Variants in DNAH9 observed in about 807,000 individuals in gnomAD.
The protein encoded by DNAH9 is DNAH9 variant protein.
In DNAH9, 345 loss-of-function variants were observed where a neutral mutation model predicts 471.6. The observed-to-expected ratio is 0.73, with a 90% CI of 0.67 to 0.80. The LOEUF (loss-of-function observed/expected upper bound fraction) is 0.80, where lower values mean the gene tolerates loss of function less well. Ranked by LOEUF, DNAH9 falls within the 30% of genes least tolerant of loss-of-function variation. The pLI is 0.00. For missense variants in DNAH9, 5,407 were observed against 5,609.2 expected (o/e 0.96, Z 1.15); for synonymous variants, 2,093 against 2,123.6 (o/e 0.99, Z 0.40).
chr17:11,717,376 A>C (rs1243213691), intron 26 of DNAH9, among the ~76,000 whole-genome samples: 1 of 73,892 alleles, frequency 1.4e-5, no homozygotes, highest in Non-Finnish European at 3.7e-5. Context: ...CTATTTTTTA[A>C]AGGGAAAAGG....
chr17:11,605,402 C>T lies in DNAH9; in HGVS notation c.418-2727C>T, dbSNP rs543509762. ...TTTGTTCACGGGTGTATCCTCCTAG[C>T]ACCTAGAAAAGTACCAGCACATAAT... On this transcript the variant is annotated intron_variant, in intron 1 of 68. Coordinates refer to ENST00000262442, the MANE Select transcript of DNAH9 (RefSeq NM_001372.4). Among the ~76,000 whole-genome samples the T allele has an allele frequency of 5.9e-5, 9 of 152,270 alleles. No individual in the cohort carries two copies. In the East Asian group the frequency reaches 1.5e-3, roughly 26 times the overall value.
chr17:11,833,241 GA>G, intron 48 of DNAH9, among the ~76,000 whole-genome samples: 1 of 152,236 alleles, frequency 6.6e-6, no homozygotes, highest in Non-Finnish European at 1.5e-5. Flanking sequence ...GGCTGGATGG[GA>G]AATTCAGCTG....
rs1487472036 is a variant in DNAH9 at position 11,688,092 on chromosome 17, AAAAAAAAAG to A, written c.3744-1468_3744-1460del. On this transcript the variant is annotated intron_variant, in intron 19 of 68. Coordinates refer to ENST00000262442, the MANE Select transcript of DNAH9 (RefSeq NM_001372.4). Reference sequence around the variant, plus strand: ...GAGATTGCAGTAAGCCAAAAAAAAAAAAAAAAAAGAAAAAGCCATCTGCCTACATGGGTT... The same window carrying A: ...GAGATTGCAGTAAGCCAAAAAAAAAAAAAAAGCCATCTGCCTACATGGGTT... Among the ~76,000 whole-genome samples, 14 of 148,090 alleles carry A rather than the reference AAAAAAAAAG, an allele frequency of 9.5e-5. 1 individual carries two copies. The highest frequency in any genetic ancestry group is 6.8e-4 in the South Asian group (3 of 4,424).
chr17:11,697,612 T>G (rs2074499142), intron 22 of DNAH9, among the ~76,000 whole-genome samples: 1 of 152,210 alleles, frequency 6.6e-6, no homozygotes, highest in Non-Finnish European at 1.5e-5. Context: ...AAATAATACA[T>G]CTATCCCATT....
In DNAH9 at chr17:11,822,508, A is replaced by T. The variant is rs1970344005; in HGVS notation, c.8921A>T (p.Asn2974Ile). ...VRSRKFPAIV[N>I]CTAIHWFHEW... ...AGCAGGAAGTTCCCAGCCATTGTGA[A>T]CTGCACAGCCATCCACTGGTTCCAC... is the stretch of plus-strand genomic sequence containing the variant. The change falls in exon 47 of 69, where the codon AAC becomes ATC. Residue 2974 changes from asparagine to isoleucine, a missense_variant. Asn to Ile is a moderately radical substitution (Grantham distance 149). Transcript: ENST00000262442. 1.9e-6 allele frequency: 3 copies of T among 1,614,170 alleles called. No homozygotes were observed.
chr17:11,726,120 T>C (rs903020495), intron 27 of DNAH9, among the ~76,000 whole-genome samples: 1 of 152,126 alleles, frequency 6.6e-6, no homozygotes, highest in Non-Finnish European at 1.5e-5. Flanking sequence ...ATCTTCCTCC[T>C]CCTGGAAAGC....
chr17:11,629,429 A>G lies in DNAH9; in HGVS notation c.1363A>G (p.Thr455Ala). 1 of 1,614,032 alleles carries G rather than the reference A, an allele frequency of 6.2e-7. No individual in the cohort carries two copies. Among genetic ancestry groups the G allele is most frequent in the South Asian group, 1.1e-5 (1 of 91,074 alleles). ...QLHVVEGLLKTALDFHKLGKV... is the reference protein window; with the variant it reads ...QLHVVEGLLKAALDFHKLGKV... The stretch of plus-strand genomic sequence containing the variant: ...ATTGTCCCCATAGGGTCTTCTGAAG[A>G]CGGCCCTGGATTTCCACAAACTGGG... Residue 455 changes from threonine to alanine, a missense_variant, in exon 7 of 69, where the codon ACG becomes GCG. Thr to Ala is a moderately conservative substitution (Grantham distance 58). This residue lies in a region of DNAH9 where 767 missense variants were observed against 692.5 expected (regional missense o/e 1.11). Transcript: ENST00000262442.
At chr17:11,889,962 G>A (rs1472160567) in intron 57 of DNAH9, among the ~76,000 whole-genome samples, 3 of 152,192 alleles carry the variant, frequency 2.0e-5, no homozygotes, top group African/African-American at 7.2e-5. Flanking sequence ...GAAGTAAGAG[G>A]AAGAAGCTTT....
chr17:11,696,922 T>TCA lies in DNAH9; in HGVS notation c.4872+2475_4872+2476insCA, dbSNP rs1181814001. Among the ~76,000 whole-genome samples the TCA allele has an allele frequency of 2.6e-5, 4 of 152,210 alleles. No homozygotes were observed. The East Asian group carries it at 7.7e-4, about 29-fold the overall frequency. On this transcript the variant is annotated intron_variant, in intron 22 of 68. Transcript: ENST00000262442. The stretch of plus-strand genomic sequence containing the variant: ...TCTTGCTCTGTCACCCAGGCTGGAG[T>TCA]GCAGTGGCATGATCATAGCTCACTG...
At chr17:11,762,031 A>G (rs1424932953) in intron 35 of DNAH9, among the ~76,000 whole-genome samples, 1 of 144,968 alleles carries the variant, frequency 6.9e-6, no homozygotes, top group Non-Finnish European at 1.5e-5. Flanking sequence ...GAGTTGTGTT[A>G]TATCCGTCTG....
intron 34 of DNAH9, 34 bp downstream of exon 34, chr17:11,756,710 C>A (rs1315684076): frequency 7.3e-7 from 1 of 1,360,768 alleles, no homozygotes; most frequent in East Asian, 2.3e-5. Context: ...CACAAAGCTA[C>A]TCCACTTAGG....
intron 48 of DNAH9, among the ~76,000 whole-genome samples, chr17:11,826,609 C>T (rs964725480): frequency 6.0e-5 from 9 of 151,170 alleles, no homozygotes; most frequent in Admixed American, 5.9e-4. Flanking sequence ...CAGGTGCCTG[C>T]CACCATGCCC....
At chr17:11,927,743 C>T (rs1354575003) in intron 62 of DNAH9, among the ~76,000 whole-genome samples, 1 of 152,196 alleles carries the variant, frequency 6.6e-6, no homozygotes, top group Non-Finnish European at 1.5e-5. Flanking sequence ...TCCCGCTCTT[C>T]CTTCCTGGCT....
chr17:11,941,473 C>T (rs2151045559), intron 66 of DNAH9, among the ~76,000 whole-genome samples: 1 of 152,278 alleles, frequency 6.6e-6, no homozygotes, highest in African/African-American at 2.4e-5. Flanking sequence ...AAGTGCTTGC[C>T]CCAAATTAAC....
intron 4 of DNAH9, among the ~76,000 whole-genome samples, chr17:11,613,417 T>G (rs1265686436): frequency 6.6e-6 from 1 of 152,078 alleles, no homozygotes; most frequent in African/African-American, 2.4e-5. Flanking sequence ...GTCAGGAGAT[T>G]GAGACAATCC....
intron 26 of DNAH9, among the ~76,000 whole-genome samples, chr17:11,718,452 T>C (rs1483746301): frequency 6.6e-6 from 1 of 152,270 alleles, no homozygotes; most frequent in African/African-American, 2.4e-5. Flanking sequence ...TGTATTCTTA[T>C]TTATCCTGTG....
At chr17:11,788,262 G>C (rs1336982512) in intron 41 of DNAH9, among the ~76,000 whole-genome samples, 7 of 152,196 alleles carry the variant, frequency 4.6e-5, no homozygotes, top group African/African-American at 1.7e-4. Context: ...ACCTAGGAGA[G>C]CTAAGAAGGA....
chr17:11,941,837 TATAG>T (rs763721013), intron 66 of DNAH9, among the ~76,000 whole-genome samples: 13 of 151,740 alleles, frequency 8.6e-5, no homozygotes, highest in South Asian at 2.1e-4. Context: ...TGTATCTGGA[TATAG>T]ATAGATATTG....
chr17:11,823,609 T>G (rs1372877551), intron 48 of DNAH9, among the ~76,000 whole-genome samples: 2 of 152,194 alleles, frequency 1.3e-5, no homozygotes, highest in African/African-American at 4.8e-5. Context: ...TAGTCATCTA[T>G]CTCTATCTGA....
Sources: allele counts gnomAD v4.1 joint callset (sites outside exome capture counted in the v4.1 genomes callset), GRCh38; gene constraint gnomAD v4.1.1; regional missense constraint gnomAD v4.1.1; transcripts MANE v1.5; gene names NCBI Gene and HGNC (gene_info 2026-07-23, HGNC 2026-07-21).